NAA11: variants seen among roughly 807,000 people sequenced by gnomAD.
The protein encoded by NAA11 is N-alpha-acetyltransferase 11, NatA catalytic subunit, also known as N-alpha-acetyltransferase 11.
NAA11 carries 15 observed loss-of-function variants against 16.1 expected under a neutral mutation model. The observed-to-expected ratio is 0.93, with a 90% CI of 0.62 to 1.44. The LOEUF (loss-of-function observed/expected upper bound fraction) is 1.44. NAA11 is among the 40% of genes most tolerant of loss of function. The pLI, the probability that NAA11 is intolerant of heterozygous loss-of-function variation, is 0.00. For synonymous variants in NAA11, 122 were observed against 112.4 expected (o/e 1.09, Z -0.54); for missense variants, 298 against 291.3 (o/e 1.02, Z -0.17).
At chr4:79,231,272 T>C (rs1311010168) in intron 2 of NAA11, among the ~76,000 whole-genome samples, 1 of 151,906 alleles carries the variant, frequency 6.6e-6, no homozygotes, top group Non-Finnish European at 1.5e-5. Flanking sequence ...TTAGCAATTT[T>C]CCCCTGGTGA....
chr4:79,284,993 G>C (rs1023049253), intron 2 of NAA11, among the ~76,000 whole-genome samples: 1 of 151,852 alleles, frequency 6.6e-6, no homozygotes, highest in African/African-American at 2.4e-5. Flanking sequence ...TTTTTTGAAA[G>C]AGTGTTGGTA....
At chr4:79,167,134 A>T in the NAA11 span, among the ~76,000 whole-genome samples, 7 of 53,010 alleles carry the variant, frequency 1.3e-4, no homozygotes, top group Admixed American at 1.9e-4. Context: ...AGCTTATTTT[A>T]TATATATATA....
chr4:79,281,404 T>G (rs1722783462), intron 2 of NAA11, among the ~76,000 whole-genome samples: 1 of 151,934 alleles, frequency 6.6e-6, no homozygotes, highest in Non-Finnish European at 1.5e-5. Flanking sequence ...GGGCTGATAT[T>G]GGATAAAATC....
intron 2 of NAA11, among the ~76,000 whole-genome samples, chr4:79,251,979 G>A (rs1002482658): frequency 5.4e-5 from 8 of 148,914 alleles, no homozygotes; most frequent in Middle Eastern, 6.8e-3. Flanking sequence ...AAGAAAATGC[G>A]GTATATATTC....
At chr4:79,220,506 A>G in the NAA11 span, among the ~76,000 whole-genome samples, 2 of 151,950 alleles carry the variant, frequency 1.3e-5, no homozygotes, top group African/African-American at 2.4e-5. Flanking sequence ...CAAATGTAAT[A>G]TAGGATTTTC....
At chr4:79,216,048 A>G in the NAA11 span, among the ~76,000 whole-genome samples, 1 of 152,168 alleles carries the variant, frequency 6.6e-6, no homozygotes, top group African/African-American at 2.4e-5. Flanking sequence ...TCTATTCTTT[A>G]TAATCATTTA....
At chr4:79,178,395 G>C in the NAA11 span, among the ~76,000 whole-genome samples, 1 of 152,164 alleles carries the variant, frequency 6.6e-6, no homozygotes, top group Non-Finnish European at 1.5e-5. Flanking sequence ...TACTAAATCA[G>C]TTACTGGATA....
intron 2 of NAA11, chr4:79,227,674 G>GT (rs1169969633): frequency 6.6e-6 from 1 of 151,962 alleles, no homozygotes; most frequent in East Asian, 1.9e-4. Flanking sequence ...GATGGACACT[G>GT]TTTTTTAGGT....
chr4:79,299,050 GAACT>G (rs1409340447), intron 1 of NAA11: 1 of 152,118 alleles, frequency 6.6e-6, no homozygotes, highest in Admixed American at 6.5e-5. Context: ...TCTTTATTAA[GAACT>G]AACAGTGGAA....
chr4:79,157,554 C>T, the NAA11 span, among the ~76,000 whole-genome samples: 1 of 150,962 alleles, frequency 6.6e-6, no homozygotes, highest in Admixed American at 6.6e-5. Flanking sequence ...CACATGTACA[C>T]ATATGTATAT....
At chr4:79,249,886 C>T (rs1329848544) in intron 2 of NAA11, among the ~76,000 whole-genome samples, 1 of 152,256 alleles carries the variant, frequency 6.6e-6, no homozygotes, top group Non-Finnish European at 1.5e-5. Context: ...GTCTGCAGCT[C>T]TCACAGAGGA....
chr4:79,169,775 A>G, the NAA11 span, among the ~76,000 whole-genome samples: 8 of 152,286 alleles, frequency 5.3e-5, no homozygotes, highest in East Asian at 1.2e-3. Flanking sequence ...CTCACTCACT[A>G]TCATGAAAAC....
At chr4:79,230,003 C>T (rs4333206) in intron 2 of NAA11, among the ~76,000 whole-genome samples, 150,960 of 152,096 alleles carry the variant, frequency 0.99, 74,925 homozygotes, top group Middle Eastern at 1. Context: ...ATTCTTTCGA[C>T]AGTTTACTGA....
At chr4:79,197,925 G>A in the NAA11 span, among the ~76,000 whole-genome samples, 3 of 151,972 alleles carry the variant, frequency 2.0e-5, no homozygotes, top group Non-Finnish European at 4.4e-5. Flanking sequence ...AATAAAGGGT[G>A]TGGGTGAGTA....
At chr4:79,164,007 T>C in the NAA11 span, among the ~76,000 whole-genome samples, 1 of 152,160 alleles carries the variant, frequency 6.6e-6, no homozygotes, top group African/African-American at 2.4e-5. Flanking sequence ...CTTCTCGGTC[T>C]TTTTATCGCT....
chr4:79,266,307 C>A (rs1722344149), intron 2 of NAA11, among the ~76,000 whole-genome samples: 1 of 152,198 alleles, frequency 6.6e-6, no homozygotes, highest in South Asian at 2.1e-4. Context: ...TAATGGCATT[C>A]TGCTCTGCTT....
downstream of NAA11, among the ~76,000 whole-genome samples, chr4:79,315,590 G>A (rs544799281): frequency 1.3e-5 from 2 of 152,070 alleles, no homozygotes; most frequent in South Asian, 4.2e-4. Flanking sequence ...TAGTATAAGG[G>A]TATTCACACC....
At chr4:79,281,494 C>T (rs1722785290) in intron 2 of NAA11, among the ~76,000 whole-genome samples, 2 of 151,948 alleles carry the variant, frequency 1.3e-5, no homozygotes, top group African/African-American at 4.8e-5. Context: ...ATATCATGCA[C>T]TGTTATATCT....
In NAA11 at chr4:79,325,833, T is replaced by C. The variant is rs1724260381; in HGVS notation, c.45A>G (p.Gln15=). The part of the protein sequence containing the change: ...NAQPDDLMNM[Q]HCNLLCLPEN... ...CAGGAAGGCAAAGGAGGTTGCAGTG[T>C]TGCATATTCATCAGGTCGTCTGGCT... Residue 15 remains glutamine (Q), a synonymous_variant, in exon 1 of 2, where the codon CAA becomes CAG. Transcript: ENST00000286794. The C allele has an allele frequency of 1.2e-6, 2 of 1,613,858 alleles. No individual in the cohort carries two copies. Among genetic ancestry groups the C allele is most frequent in the South Asian group, 2.2e-5 (2 of 91,032 alleles).
Sources: gnomAD v4.1 joint callset for allele counts (sites outside exome capture counted in the v4.1 genomes callset) on GRCh38, gnomAD v4.1.1 for gene constraint, MANE v1.5 for transcripts, NCBI Gene and HGNC (gene_info 2026-07-23, HGNC 2026-07-21) for gene names.